TLK2: variants seen among roughly 807,000 people sequenced by gnomAD.
TLK2 encodes the protein serine/threonine-protein kinase tousled-like 2.
A neutral mutation model predicts 117.3 loss-of-function variants in TLK2; 6 were observed. The ratio of observed to expected loss-of-function variants is 0.05; its 90% CI spans 0.03 to 0.10. The LOEUF (loss-of-function observed/expected upper bound fraction) is 0.10, where lower values mean the gene tolerates loss of function less well. Ranked by LOEUF, TLK2 falls within the 10% of genes least tolerant of loss-of-function variation. The pLI is 1.00. For missense variants in TLK2, 299 were observed against 901.2 expected (o/e 0.33, Z 8.56); for synonymous variants, 257 against 316.7 (o/e 0.81, Z 2.00).
In TLK2 at chr17:62,612,618, G is replaced by A. The variant is rs1412726870; in HGVS notation, c.*53G>A. On this transcript the variant is annotated 3_prime_UTR_variant, in exon 22 of 22. Transcript: ENST00000346027. Reference sequence around the variant, plus strand: ...AACACACACAAAGTGGACAAATGGCGTTCAGCAGCGGGTTTGGAACATAGC... The same window carrying A: ...AACACACACAAAGTGGACAAATGGCATTCAGCAGCGGGTTTGGAACATAGC... 35 of 1,520,052 alleles carry A rather than the reference G, an allele frequency of 2.3e-5. No homozygotes were observed. In the East Asian group the frequency reaches 3.0e-4, roughly 13 times the overall value. 94.2% of individuals were successfully genotyped at this position (1,520,052 alleles called of 1,614,324 possible).
At chr17:62,530,941 A>G (rs1475826285) in intron 6 of TLK2, among the ~76,000 whole-genome samples, 5 of 151,954 alleles carry the variant, frequency 3.3e-5, no homozygotes, top group Admixed American at 1.3e-4. Flanking sequence ...CCATGTTCTA[A>G]CCCTCCATTG....
intron 16 of TLK2, among the ~76,000 whole-genome samples, chr17:62,586,477 C>T (rs1176884219): frequency 2.6e-5 from 4 of 152,150 alleles, no homozygotes; most frequent in Admixed American, 1.3e-4. Context: ...GTACTCTTAA[C>T]CTTCCCTTCC....
chr17:62,587,959 TGTATAAAA>T (rs1567977202), intron 16 of TLK2, among the ~76,000 whole-genome samples: 26 of 151,378 alleles, frequency 1.7e-4, no homozygotes, highest in African/African-American at 5.8e-4. Context: ...CAGATGTATA[TGTATAAAA>T]TATACGTATA....
intron 13 of TLK2, among the ~76,000 whole-genome samples, chr17:62,577,042 A>G (rs1445961093): frequency 7.2e-6 from 1 of 139,504 alleles, no homozygotes; most frequent in African/African-American, 2.6e-5. Flanking sequence ...GGCTCACTGC[A>G]ACCTCCACCT....
intron 16 of TLK2, among the ~76,000 whole-genome samples, chr17:62,595,089 G>A (rs1038143192): frequency 6.6e-6 from 1 of 152,044 alleles, no homozygotes; most frequent in African/African-American, 2.4e-5. Flanking sequence ...AGCCTCTTGA[G>A]TAGTGGGGAT....
At chr17:62,570,408 G>T (rs2080185129) in intron 11 of TLK2, among the ~76,000 whole-genome samples, 1 of 152,168 alleles carries the variant, frequency 6.6e-6, no homozygotes, top group South Asian at 2.1e-4. Context: ...TGCTATACAA[G>T]AAATATTTAA....
chr17:62,542,023 C>T (rs2077571683), intron 7 of TLK2, among the ~76,000 whole-genome samples: 1 of 152,146 alleles, frequency 6.6e-6, no homozygotes, highest in Non-Finnish European at 1.5e-5. Flanking sequence ...CATAAAGATC[C>T]AGTAAGAAGG....
chr17:62,490,789 T>G (rs2073034618), intron 2 of TLK2, among the ~76,000 whole-genome samples: 1 of 152,128 alleles, frequency 6.6e-6, no homozygotes, highest in Non-Finnish European at 1.5e-5. Context: ...TGATCCACCT[T>G]CCTCGGCCTC....
At chr17:62,492,543 C>T (rs1315244580) in intron 2 of TLK2, among the ~76,000 whole-genome samples, 6 of 151,882 alleles carry the variant, frequency 4.0e-5, no homozygotes, top group Non-Finnish European at 5.9e-5. Flanking sequence ...CTGTGATCTC[C>T]GCCTCCCAGG....
intron 16 of TLK2, among the ~76,000 whole-genome samples, chr17:62,590,386 C>A (rs1171236975): frequency 2.6e-5 from 4 of 152,196 alleles, no homozygotes; most frequent in African/African-American, 9.6e-5. Flanking sequence ...TTGTGGTGAG[C>A]CAAGATCGCG....
At chr17:62,480,316 T>G (rs1170444182) in intron 1 of TLK2, among the ~76,000 whole-genome samples, 1 of 152,090 alleles carries the variant, frequency 6.6e-6, no homozygotes, top group Non-Finnish European at 1.5e-5. Context: ...TAGGAGTTGG[T>G]CTCTTGCAAA....
chr17:62,598,730 G>A (rs1011478149), intron 17 of TLK2, among the ~76,000 whole-genome samples: 1 of 151,926 alleles, frequency 6.6e-6, no homozygotes, highest in African/African-American at 2.4e-5. Context: ...TCACCGTGCT[G>A]GGCAGGCTGG....
chr17:62,501,935 A>G (rs1358319211), intron 2 of TLK2, among the ~76,000 whole-genome samples: 3 of 152,120 alleles, frequency 2.0e-5, no homozygotes, highest in Non-Finnish European at 2.9e-5. Context: ...AGTGTCACAA[A>G]CAAACAATCA....
intron 11 of TLK2, among the ~76,000 whole-genome samples, chr17:62,571,273 C>T (rs190930600): frequency 6.6e-6 from 1 of 152,292 alleles, no homozygotes; most frequent in East Asian, 1.9e-4. Flanking sequence ...TGCACATAGC[C>T]TATGCATATC....
intron 8 of TLK2, among the ~76,000 whole-genome samples, chr17:62,552,859 A>G (rs747971588): frequency 3.1e-4 from 47 of 152,196 alleles, no homozygotes; most frequent in South Asian, 1.0e-3. Context: ...GCTTTCAATA[A>G]ATGTTAATTC....
At chr17:62,516,553 G>A in intron 2 of TLK2, 1 of 1,609,356 alleles carries the variant, frequency 6.2e-7, no homozygotes, top group Non-Finnish European at 8.5e-7. Context: ...ACACTCATTG[G>A]TAAGGTACCA....
At chr17:62,540,099 C>CTTTTTT (rs571889873) in intron 7 of TLK2, among the ~76,000 whole-genome samples, 8 of 125,078 alleles carry the variant, frequency 6.4e-5, no homozygotes, top group Admixed American at 1.6e-4. Flanking sequence ...TCTTTCTTTT[C>CTTTTTT]TTTTTTTTTT....
chr17:62,608,637 C>T lies in TLK2; in HGVS notation c.2079+489C>T, dbSNP rs118135423. 7.2e-4 allele frequency among the ~76,000 whole-genome samples: 110 copies of T among 152,294 alleles called. No individual in the cohort carries two copies. The East Asian group carries it at 0.015, about 21-fold the overall frequency. Reference sequence around the variant, plus strand: ...GGAAAGAGGTTTAATTGACTCAGCTCAGCATGGCTGGGGAGACCTTAGGAA... The same window carrying T: ...GGAAAGAGGTTTAATTGACTCAGCTTAGCATGGCTGGGGAGACCTTAGGAA... On this transcript the variant is annotated intron_variant, in intron 21 of 21. Coordinates refer to ENST00000346027, the MANE Select transcript of TLK2 (RefSeq NM_006852.6).
At chr17:62,496,099 T>C (rs955149572) in intron 2 of TLK2, among the ~76,000 whole-genome samples, 2 of 152,188 alleles carry the variant, frequency 1.3e-5, no homozygotes, top group African/African-American at 4.8e-5. Context: ...TGTTAAAAAG[T>C]TTCTTATATT....
Sources: gnomAD v4.1 joint callset for allele counts (sites outside exome capture counted in the v4.1 genomes callset) on GRCh38, gnomAD v4.1.1 for gene constraint, MANE v1.5 for transcripts, NCBI Gene and HGNC (gene_info 2026-07-23, HGNC 2026-07-21) for gene names.